The following AGMO variants were observed in gnomAD, a reference collection of about 807,000 sequenced individuals.
AGMO encodes glyceryl-ether monooxygenase.
AGMO carries 75 observed loss-of-function variants against 60.2 expected under a neutral mutation model. That is an observed-to-expected ratio of 1.25 (90% CI 1.03 to 1.51). The LOEUF is 1.51. Among genes scored for constraint, AGMO ranks in the 40% most tolerant of loss-of-function variants. The pLI is 0.00. For missense variants in AGMO, 763 were observed against 525.5 expected (o/e 1.45, Z -4.42); for synonymous variants, 261 against 177.1 (o/e 1.47, Z -3.76).
chr7:15,346,016 C>T (rs1383517905), intron 12 of AGMO, among the ~76,000 whole-genome samples: 1 of 152,062 alleles, frequency 6.6e-6, no homozygotes, highest in African/African-American at 2.4e-5. Flanking sequence ...TATAGCTGAA[C>T]ATTTTCCTTT....
At chr7:15,325,944 AGC>A (rs1781326949) in intron 12 of AGMO, among the ~76,000 whole-genome samples, 1 of 152,224 alleles carries the variant, frequency 6.6e-6, no homozygotes, top group Middle Eastern at 3.4e-3. Flanking sequence ...GGAGAGGGAG[AGC>A]AAGAGGAAGA....
chr7:15,435,167 A>G lies in AGMO; in HGVS notation c.410-4059T>C, dbSNP rs1162267360. On this transcript the variant is annotated intron_variant, in intron 3 of 12. Coordinates refer to ENST00000342526, the MANE Select transcript of AGMO (RefSeq NM_001004320.2). Reference sequence around the variant, plus strand: ...CCAGTTTTTGACAGATAAAAGTTCTATCAAGTAGTTATCATAGAGGTTTTC... The same window carrying G: ...CCAGTTTTTGACAGATAAAAGTTCTGTCAAGTAGTTATCATAGAGGTTTTC... Among the ~76,000 whole-genome samples, 60 of 152,140 alleles carry G rather than the reference A, an allele frequency of 3.9e-4. 1 individual carries two copies. Among genetic ancestry groups the G allele is most frequent in the Admixed American group, 3.9e-3 (60 of 15,270 alleles).
In AGMO at chr7:15,299,886, C is replaced by CACACACACACACACACACAAAA. The variant is rs774065679; in HGVS notation, c.1263+65627_1263+65628insTTTTGTGTGTGTGTGTGTGTGT. On this transcript the variant is annotated intron_variant, in intron 12 of 12. Transcript: ENST00000342526. ...ACACACACACACACACACACACACA[C>CACACACACACACACACACAAAA]AGTATGTTTTGTGTTCAACATATCC... Among the ~76,000 whole-genome samples, 2 of 114,642 alleles carry CACACACACACACACACACAAAA rather than the reference C, an allele frequency of 1.7e-5. 1 individual carries two copies. Among genetic ancestry groups the CACACACACACACACACACAAAA allele is most frequent in the African/African-American group, 8.5e-5 (2 of 23,532 alleles). 75.2% of individuals were successfully genotyped at this position (114,642 alleles called of 152,430 possible). A position where few individuals can be genotyped will look rare whatever the true frequency, so the allele number is the denominator to read the frequency against.
At chr7:15,545,373 T>C (rs911874012) in intron 2 of AGMO, among the ~76,000 whole-genome samples, 8 of 152,172 alleles carry the variant, frequency 5.3e-5, no homozygotes, top group Admixed American at 2.0e-4. Flanking sequence ...GCAAATTGCC[T>C]ACTGCATTCA....
chr7:15,214,645 C>T (rs565689537), intron 12 of AGMO, among the ~76,000 whole-genome samples: 261 of 152,096 alleles, frequency 1.7e-3, no homozygotes, highest in African/African-American at 5.8e-3. Flanking sequence ...ATGAGGAGCT[C>T]TAACATGTTT....
intron 12 of AGMO, among the ~76,000 whole-genome samples, chr7:15,271,616 G>A (rs902889617): frequency 6.6e-6 from 1 of 151,998 alleles, no homozygotes; most frequent in African/African-American, 2.4e-5. Flanking sequence ...GAAGGAACAG[G>A]GATAATTTCA....
At chr7:15,224,540 C>T (rs914591856) in intron 12 of AGMO, among the ~76,000 whole-genome samples, 2 of 152,062 alleles carry the variant, frequency 1.3e-5, no homozygotes, top group South Asian at 2.1e-4. Flanking sequence ...GACTTTCCAG[C>T]CCCCAGAACC....
chr7:15,414,444 A>G (rs993791212), intron 5 of AGMO, among the ~76,000 whole-genome samples: 2 of 151,836 alleles, frequency 1.3e-5, no homozygotes, highest in Non-Finnish European at 2.9e-5. Context: ...TATGATAGGA[A>G]TGCATATTTA....
intron 12 of AGMO, among the ~76,000 whole-genome samples, chr7:15,286,507 T>A (rs932213055): frequency 2.6e-5 from 4 of 152,056 alleles, no homozygotes; most frequent in African/African-American, 7.2e-5. Flanking sequence ...AAAATTCAAA[T>A]TAAAACCACA....
chr7:15,342,334 G>A (rs1583429772), intron 12 of AGMO, among the ~76,000 whole-genome samples: 1 of 151,854 alleles, frequency 6.6e-6, no homozygotes, highest in African/African-American at 2.4e-5. Context: ...AACAAAGGAG[G>A]GAAAGGTCAA....
chr7:15,373,564 T>A (rs184985099), intron 10 of AGMO, among the ~76,000 whole-genome samples: 123 of 152,292 alleles, frequency 8.1e-4, no homozygotes, highest in Non-Finnish European at 1.1e-3. Context: ...GGACTATCAC[T>A]GTCTTACTCT....
intron 12 of AGMO, among the ~76,000 whole-genome samples, chr7:15,336,699 C>T (rs1330287377): frequency 6.6e-6 from 1 of 152,058 alleles, no homozygotes; most frequent in African/African-American, 2.4e-5. Context: ...TGTTCTGATA[C>T]ATTTTGAGAA....
At chr7:15,179,385 A>C in the AGMO span, among the ~76,000 whole-genome samples, 1 of 152,200 alleles carries the variant, frequency 6.6e-6, no homozygotes, top group African/African-American at 2.4e-5. Flanking sequence ...TAATGGTGGG[A>C]CAGTCATAGA....
chr7:15,420,031 C>T (rs778590261), intron 4 of AGMO, among the ~76,000 whole-genome samples: 1 of 152,014 alleles, frequency 6.6e-6, no homozygotes, highest in Non-Finnish European at 1.5e-5. Flanking sequence ...TTTGGAATCT[C>T]CTCTTTGAGA....
At chr7:15,412,401 A>G (rs1371003194) in intron 5 of AGMO, among the ~76,000 whole-genome samples, 1 of 152,060 alleles carries the variant, frequency 6.6e-6, no homozygotes, top group Non-Finnish European at 1.5e-5. Context: ...AAGGATACCT[A>G]AAGTGACTGG....
chr7:15,139,993 G>A, the AGMO span, among the ~76,000 whole-genome samples: 1 of 150,788 alleles, frequency 6.6e-6, no homozygotes, highest in South Asian at 2.1e-4. Context: ...TAGGGATTCA[G>A]GCTAAGAAGT....
chr7:15,337,966 G>C (rs903617640), intron 12 of AGMO, among the ~76,000 whole-genome samples: 1 of 152,188 alleles, frequency 6.6e-6, no homozygotes, highest in Non-Finnish European at 1.5e-5. Flanking sequence ...GTGATCTGGG[G>C]TTGTAATTAA....
At chr7:15,289,147 T>G (rs988188439) in intron 12 of AGMO, among the ~76,000 whole-genome samples, 1 of 152,096 alleles carries the variant, frequency 6.6e-6, no homozygotes, top group Non-Finnish European at 1.5e-5. Context: ...TACGGCCCCA[T>G]ACATAAAGCA....
chr7:15,363,072 A>C lies in AGMO; in HGVS notation c.1263+2442T>G, dbSNP rs558847205. On this transcript the variant is annotated intron_variant, in intron 12 of 12. Coordinates refer to ENST00000342526, the MANE Select transcript of AGMO (RefSeq NM_001004320.2). ...TTTGATATGAATACTGAATGGAATA[A>C]TACTAGTAAGGCATTTAGAACGTAG... Among the ~76,000 whole-genome samples, 8 of 152,322 alleles carry C rather than the reference A, an allele frequency of 5.3e-5. No homozygotes were observed. In the East Asian group the frequency reaches 1.3e-3, roughly 26 times the overall value.
Sources: allele counts gnomAD v4.1 joint callset (sites outside exome capture counted in the v4.1 genomes callset), GRCh38; gene constraint gnomAD v4.1.1; transcripts MANE v1.5; gene names NCBI Gene and HGNC (gene_info 2026-07-23, HGNC 2026-07-21).